TTBK2: variants seen among roughly 807,000 people sequenced by gnomAD.
TTBK2 encodes tau tubulin kinase 2.
In TTBK2, 28 loss-of-function variants were observed where a neutral mutation model predicts 110.8. The ratio of observed to expected loss-of-function variants is 0.25; its 90% CI spans 0.19 to 0.35. The LOEUF (loss-of-function observed/expected upper bound fraction) is 0.35. Ranked by LOEUF, TTBK2 falls within the 10% of genes least tolerant of loss-of-function variation. The pLI is 1.00. For synonymous variants in TTBK2, 532 were observed against 527.3 expected, an observed-to-expected ratio of 1.01 and a Z score of -0.12; for missense variants, 1,369 against 1,500.3, an observed-to-expected ratio of 0.91 and a Z score of 1.45.
At position 42,753,150 on chromosome 15, in the gene TTBK2, T is replaced by A; in HGVS notation, c.2096A>T (p.Glu699Val). ...TGGAGAGTAAAGTTCCACAGTGGGC[T>A]CCATGGGCTGAAGATCTTTCTTCTC... ...QPEKKDLQPM[E>V]PTVELYSPRE... The change falls in exon 14 of 15, where the codon GAG becomes GTG. Residue 699 changes from glutamate to valine, a missense_variant. Around this residue, in one of 4 missense-constraint regions of TTBK2, gnomAD observed 1,097 missense variants for 1,114.7 expected, o/e 0.98. Transcript: ENST00000267890. 6.2e-7 allele frequency: 1 copy of A among 1,603,036 alleles called. No homozygotes were observed. The highest frequency in any genetic ancestry group is 8.5e-7 in the Non-Finnish European group (1 of 1,176,664).
intron 3 of TTBK2, among the ~76,000 whole-genome samples, chr15:42,865,744 G>A (rs1307157911): frequency 6.6e-6 from 1 of 152,124 alleles, no homozygotes; most frequent in Admixed American, 6.5e-5. Flanking sequence ...GATCACTTGA[G>A]CCCAGGAGTT....
intron 1 of TTBK2, among the ~76,000 whole-genome samples, chr15:42,879,996 C>CAAAAAA (rs71108186): frequency 2.7e-5 from 2 of 74,414 alleles, no homozygotes; most frequent in African/African-American, 5.0e-5. Context: ...GATCCTGTCT[C>CAAAAAA]AAAAAAAAAA....
At chr15:42,854,491 AAC>A (rs1893852526) in intron 3 of TTBK2, among the ~76,000 whole-genome samples, 1 of 152,180 alleles carries the variant, frequency 6.6e-6, no homozygotes, top group Non-Finnish European at 1.5e-5. Flanking sequence ...ATTCTGTCAT[AAC>A]GTTGGTGAGG....
intron 3 of TTBK2, among the ~76,000 whole-genome samples, chr15:42,857,143 G>A (rs1028543532): frequency 6.6e-6 from 1 of 152,030 alleles, no homozygotes; most frequent in African/African-American, 2.4e-5. Context: ...TAATAATAGG[G>A]AAAACTGGAT....
At chr15:42,868,739 G>C (rs925328263) in intron 3 of TTBK2, among the ~76,000 whole-genome samples, 1 of 151,536 alleles carries the variant, frequency 6.6e-6, no homozygotes, top group African/African-American at 2.4e-5. Context: ...GCACACACCT[G>C]TGGTCCCAGC....
intron 1 of TTBK2, among the ~76,000 whole-genome samples, chr15:42,883,314 T>A (rs994592489): frequency 6.6e-6 from 1 of 150,500 alleles, no homozygotes; most frequent in African/African-American, 2.5e-5. Context: ...AAGGTGGAGG[T>A]TGCGGTGAGC....
rs745787994 is a variant in TTBK2, at chr15:42,752,432, A to G, written c.2814T>C (p.Phe938=). 13 of 1,614,074 alleles carry G rather than the reference A, an allele frequency of 8.1e-6. No homozygotes were observed. Among genetic ancestry groups the G allele is most frequent in the Non-Finnish European group, 1.0e-5 (12 of 1,180,032 alleles). Reference sequence around the variant, plus strand: ...CAGGGATTCGGCTGTGTCTAGTTACAAAGGATGACCTAACCATATCCTTCC... The same window carrying G: ...CAGGGATTCGGCTGTGTCTAGTTACGAAGGATGACCTAACCATATCCTTCC... The part of the protein sequence containing the change: ...PTRKDMVRSS[F]VTRHSRIPVL... Residue 938 remains phenylalanine (F), a synonymous_variant, in exon 14 of 15, where the codon TTT becomes TTC. Coordinates refer to ENST00000267890, the MANE Select transcript of TTBK2 (RefSeq NM_173500.4).
At chr15:42,910,772 G>T in intron 1 of TTBK2, among the ~76,000 whole-genome samples, 1 of 152,236 alleles carries the variant, frequency 6.6e-6, no homozygotes, top group East Asian at 1.9e-4. Context: ...GGGGCCTGGC[G>T]CAGTGGCTCA....
intron 1 of TTBK2, among the ~76,000 whole-genome samples, chr15:42,910,179 C>T (rs2030664009): frequency 6.6e-6 from 1 of 151,520 alleles, no homozygotes; most frequent in South Asian, 2.1e-4. Flanking sequence ...TTATATAAAC[C>T]AGAAACAGAG....
At chr15:42,825,114 AAAT>A (rs1394867949) in intron 6 of TTBK2, among the ~76,000 whole-genome samples, 3 of 151,962 alleles carry the variant, frequency 2.0e-5, no homozygotes, top group Non-Finnish European at 4.4e-5. Flanking sequence ...CTGTCTCTTT[AAAT>A]AATAATAATA....
At chr15:42,860,553 C>T (rs1302260577) in intron 3 of TTBK2, among the ~76,000 whole-genome samples, 1 of 151,328 alleles carries the variant, frequency 6.6e-6, no homozygotes, top group East Asian at 1.9e-4. Context: ...TCAAGACCAA[C>T]TGAACTCCTT....
At chr15:42,808,364 T>C (rs1031275470) in intron 9 of TTBK2, among the ~76,000 whole-genome samples, 4 of 152,216 alleles carry the variant, frequency 2.6e-5, no homozygotes, top group African/African-American at 7.2e-5. Flanking sequence ...TTTAACACTT[T>C]GATTATAACA....
chr15:42,841,720 A>AT (rs1182328594), intron 3 of TTBK2, among the ~76,000 whole-genome samples: 2 of 152,206 alleles, frequency 1.3e-5, no homozygotes, highest in African/African-American at 4.8e-5. Flanking sequence ...ACGAGAAAGA[A>AT]TAAGGGGATT....
chr15:42,886,088 C>A (rs1895234485), intron 1 of TTBK2, among the ~76,000 whole-genome samples: 1 of 152,088 alleles, frequency 6.6e-6, no homozygotes, highest in Non-Finnish European at 1.5e-5. Context: ...CATTCCAAAT[C>A]TTTCTTCTTT....
chr15:42,773,904 T>G (rs1889785502), intron 13 of TTBK2, among the ~76,000 whole-genome samples: 2 of 152,220 alleles, frequency 1.3e-5, no homozygotes, highest in South Asian at 4.1e-4. Context: ...GAAACAGCCC[T>G]GTGCCAAGAT....
At chr15:42,810,568 C>CT in intron 9 of TTBK2, 46 bp downstream of exon 9, 1 of 1,610,564 alleles carries the variant, frequency 6.2e-7, no homozygotes, top group South Asian at 1.1e-5. Flanking sequence ...AAAGCATAGA[C>CT]TAAGAGAGAA....
In TTBK2 at chr15:42,746,253, G is replaced by A. The variant is rs375644796; in HGVS notation, c.3277C>T (p.Arg1093Cys). The change falls in exon 15 of 15, where the codon CGC (arginine) becomes TGC (cysteine). Residue 1093 changes from arginine (R) to cysteine (C), a missense_variant. Arg to Cys is a radical substitution (Grantham distance 180, BLOSUM62 -3). Around this residue, in one of 4 missense-constraint regions of TTBK2, gnomAD observed 1,097 missense variants for 1,114.7 expected, o/e 0.98. Coordinates refer to ENST00000267890, the MANE Select transcript of TTBK2 (RefSeq NM_173500.4). ...PTRPGVEARL[R>C]RYKVLGSSNS... ...CTACTCCCTAGGACTTTATATCTGC[G>A]TAGCCTTAAAAGAACAGAGAAAATA... is the stretch of plus-strand genomic sequence containing the variant. 6.8e-6 allele frequency: 11 copies of A among 1,610,654 alleles called. No individual in the cohort carries two copies. Among genetic ancestry groups the A allele is most frequent in the East Asian group, 2.2e-5 (1 of 44,870 alleles).
At chr15:42,768,472 G>T (rs1258225157) in intron 13 of TTBK2, among the ~76,000 whole-genome samples, 4 of 151,284 alleles carry the variant, frequency 2.6e-5, no homozygotes, top group Non-Finnish European at 5.9e-5. Flanking sequence ...ACCAATAACA[G>T]ACAGAGAGCC....
intron 3 of TTBK2, among the ~76,000 whole-genome samples, chr15:42,859,428 CT>C (rs1385626412): frequency 3.3e-5 from 5 of 152,146 alleles, no homozygotes; most frequent in Non-Finnish European, 7.3e-5. Flanking sequence ...TTTACTGAAG[CT>C]TAATGGATCT....
Sources: gnomAD v4.1 joint callset for allele counts (sites outside exome capture counted in the v4.1 genomes callset) on GRCh38, gnomAD v4.1.1 for gene constraint, gnomAD v4.1.1 regional missense constraint, MANE v1.5 for transcripts, NCBI Gene and HGNC (gene_info 2026-07-23, HGNC 2026-07-21) for gene names.